The following JMJD7 variants were observed in gnomAD, a reference collection of about 807,000 sequenced individuals.
JMJD7 encodes jumonji domain containing 7.
In JMJD7, 41 loss-of-function variants were observed where a neutral mutation model predicts 41.1. The observed-to-expected ratio is 1.00, with a 90% CI of 0.78 to 1.30. JMJD7 has a LOEUF of 1.30. Ranked by LOEUF, JMJD7 falls within the 50% of genes most tolerant of loss-of-function variation. JMJD7 has a pLI of 0.00. For missense variants in JMJD7, 480 were observed against 420.7 expected, an observed-to-expected ratio of 1.14 and a Z score of -1.23; for synonymous variants, 202 against 177.2, an observed-to-expected ratio of 1.14 and a Z score of -1.11.
In JMJD7 at chr15:41,835,600, A is replaced by G. The variant is rs1038495405; in HGVS notation, c.485A>G (p.Asp162Gly). The change falls in exon 4 of 8, where the codon GAT (aspartate) becomes GGT (glycine). Residue 162 changes from aspartate (D) to glycine (G), a missense_variant. Physicochemically the swap from Asp to Gly is moderately conservative, Grantham distance 94. Coordinates refer to ENST00000397299, the MANE Select transcript of JMJD7 (RefSeq NM_001114632.2). ...TTCTGCCCTGCAGGAAAGATGCCCGATGCTGTGAACTTCTGGCTGGGGGAG... is the reference window on the plus strand; with the variant it reads ...TTCTGCCCTGCAGGAAAGATGCCCGGTGCTGTGAACTTCTGGCTGGGGGAG... ...WASEALGKMPDAVNFWLGEAA... is the reference protein window; with the variant it reads ...WASEALGKMPGAVNFWLGEAA... 1 of 1,613,818 alleles carries G rather than the reference A, an allele frequency of 6.2e-7. No individual in the cohort carries two copies. The highest frequency in any genetic ancestry group is 1.3e-5 in the African/African-American group (1 of 75,020).
intron 1 of JMJD7, among the ~76,000 whole-genome samples, chr15:41,830,795 A>G (rs1431537209): frequency 1.3e-5 from 2 of 152,194 alleles, no homozygotes; most frequent in African/African-American, 2.4e-5. Flanking sequence ...CCTGGGTGCT[A>G]TTGCAGTGCT....
In JMJD7 at chr15:41,836,131, C is replaced by A. The variant is rs1376711948; in HGVS notation, c.530-17C>A. On this transcript the variant is annotated splice_polypyrimidine_tract_variant and intron_variant, in intron 4 of 7. Transcript: ENST00000397299. ...TGCCCTCCATACCCTGCCCCCGGGC[C>A]TTCTTTCTGTTGGCAGTGCACAAGG... 1.9e-6 allele frequency: 3 copies of A among 1,576,632 alleles called. No homozygotes were observed. Among genetic ancestry groups the A allele is most frequent in the Middle Eastern group, 3.4e-4 (2 of 5,854 alleles).
rs1239528383 is a variant in JMJD7, at chr15:41,833,414, A to ATATATTTT, written c.65-1325_65-1324insATATTTTT. Among the ~76,000 whole-genome samples the ATATATTTT allele has an allele frequency of 1.8e-3, 58 of 32,018 alleles. 2 individuals are homozygous for ATATATTTT. Among genetic ancestry groups the ATATATTTT allele is most frequent in the Non-Finnish European group, 2.4e-3 (39 of 16,344 alleles). 21.0% of individuals were successfully genotyped at this position (32,018 alleles called of 152,430 possible). A position where few individuals can be genotyped will look rare whatever the true frequency, so the allele number is the denominator to read the frequency against. ...AATACATATATATATATATATATAT[A>ATATATTTT]TTTTTTTTTTTTTTTTTTTTTTTTG... On this transcript the variant is annotated intron_variant, in intron 1 of 7. Transcript: ENST00000397299.
intron 1 of JMJD7, 60 bp downstream of exon 1, chr15:41,828,248 C>T: frequency 2.1e-6 from 3 of 1,459,436 alleles, no homozygotes; most frequent in Non-Finnish European, 2.7e-6. Context: ...CCTGGGATGC[C>T]GCTGACACCG....
At chr15:41,834,922 G>A in intron 2 of JMJD7, 29 bp downstream of exon 2, 1 of 1,613,558 alleles carries the variant, frequency 6.2e-7, no homozygotes, top group Non-Finnish European at 8.5e-7. Context: ...TCAGGTGTGA[G>A]CAGTGATTAC....
rs890505 is a variant in JMJD7, at chr15:41,836,960, G to A, written c.862+20G>A. On this transcript the variant is annotated intron_variant, in intron 7 of 7. Transcript: ENST00000397299. ...TCGCAGGTGAAGAGTTGCCCAGGCC[G>A]CCTGGGGAGAGGCCCTGTCAAGGTC... is the stretch of plus-strand genomic sequence containing the variant. 0.33 allele frequency: 527,633 copies of A among 1,610,218 alleles called. 89,876 individuals are homozygous for A. The highest frequency in any genetic ancestry group is 0.39 in the Admixed American group (23,142 of 59,882).
At chr15:41,836,342 T>C (rs761093830) in intron 5 of JMJD7, 99 bp downstream of exon 5, 2 of 1,567,770 alleles carry the variant, frequency 1.3e-6, no homozygotes, top group African/African-American at 1.4e-5. Context: ...GCCTGAGGTG[T>C]GGCTGTGGCA....
chr15:41,828,338 C>T (rs2065171332), intron 1 of JMJD7, 150 bp downstream of exon 1: 2 of 959,770 alleles, frequency 2.1e-6, no homozygotes, highest in Admixed American at 8.5e-5. Flanking sequence ...TTCCCTTCTC[C>T]CGTGTTCGCG....
At position 41,828,208 on chromosome 15, in the gene JMJD7, G is replaced by T. The variant is rs2065166297; in HGVS notation, c.64+20G>T. 1 of 1,500,458 alleles carries T rather than the reference G, an allele frequency of 6.7e-7. No homozygotes were observed. The highest frequency in any genetic ancestry group is 8.8e-7 in the Non-Finnish European group (1 of 1,136,958). The allele number at this position is 1,500,458 out of a possible 1,614,324, so 92.9% of individuals were successfully genotyped here. ...CAAGGGGTGAGTGGCTCTCCCACAG[G>T]CTGCGGCGATTTCCGAACACGGGAG... On this transcript the variant is annotated intron_variant, in intron 1 of 7. Transcript: ENST00000397299.
Position 41,836,237 on chromosome 15 carries a change from C to T in JMJD7, c.619C>T (p.Pro207Ser), listed in dbSNP as rs2065313203. 3 of 1,612,598 alleles carry T rather than the reference C, an allele frequency of 1.9e-6. No individual in the cohort carries two copies. In the African/African-American group the frequency reaches 4.0e-5, roughly 22 times the overall value. The change falls in exon 5 of 8, where the codon CCC (proline) becomes TCC (serine). Residue 207 changes from proline (P) to serine (S), a missense_variant. By Grantham distance (74) the Pro-to-Ser change is moderately conservative (BLOSUM62 -1). Coordinates refer to ENST00000397299, the MANE Select transcript of JMJD7 (RefSeq NM_001114632.2). ...TCCGCCCAGCGACCGGCCCTTCATC[C>T]CCTATGGTAGGGGATGTGGCCTGCA... ...FHPPSDRPFI[P>S]YELYTPATYQ... is the part of the protein sequence containing the mutation.
chr15:41,830,017 A>G (rs1488364720), intron 1 of JMJD7, among the ~76,000 whole-genome samples: 1 of 152,180 alleles, frequency 6.6e-6, no homozygotes, highest in African/African-American at 2.4e-5. Context: ...TGCTGGCTGC[A>G]GTGGGGAGGC....
rs766163482 is a variant in JMJD7 at position 41,837,132 on chromosome 15, C to T, written c.927C>T (p.Leu309=). The T allele has an allele frequency of 1.2e-6, 2 of 1,612,828 alleles. No individual in the cohort carries two copies. The highest frequency in any genetic ancestry group is 1.7e-6 in the Non-Finnish European group (2 of 1,179,274). Residue 309 remains leucine, a synonymous_variant, in exon 8 of 8, where the codon CTC becomes CTT. Transcript: ENST00000397299. ...GTTACTTCCAGCTGCTCGACTCCCT[C>T]ACCAAGGCTTCAGGCCTTGACTGAT... ...KYSYFQLLDS[L]TKASGLD
intron 4 of JMJD7, 166 bp from the exon 5 acceptor site, chr15:41,835,982 C>G: frequency 1.5e-6 from 1 of 682,132 alleles, no homozygotes. Flanking sequence ...AGGCAGAGTT[C>G]CAGAATGCCC....
chr15:41,829,747 G>A (rs1374503948), intron 1 of JMJD7, among the ~76,000 whole-genome samples: 6 of 152,114 alleles, frequency 3.9e-5, no homozygotes, highest in African/African-American at 1.4e-4. Flanking sequence ...AAGTCCAAAG[G>A]GTGAAAAAAT....
chr15:41,829,894 C>A (rs1169289640), intron 1 of JMJD7, among the ~76,000 whole-genome samples: 1 of 152,216 alleles, frequency 6.6e-6, no homozygotes, highest in Admixed American at 6.5e-5. Context: ...CATAGTGAGA[C>A]ACCATCGTGT....
rs766487829 is a variant in JMJD7 at position 41,834,720 on chromosome 15, T to C, written c.65-20T>C. On this transcript the variant is annotated intron_variant, in intron 1 of 7. Transcript: ENST00000397299. ...TGCAGACATCAGCCCTTCCATCCCC[T>C]GTCTTCTTCTTTCTCTCAGAGCTCT... 2 of 1,611,818 alleles carry C rather than the reference T, an allele frequency of 1.2e-6. No individual in the cohort carries two copies. Among genetic ancestry groups the C allele is most frequent in the East Asian group, 2.2e-5 (1 of 44,842 alleles).
chr15:41,834,804 G>T lies in JMJD7; in HGVS notation c.129G>T (p.Arg43=), dbSNP rs1345624183. Reference sequence around the variant, plus strand: ...CCCCAACTCCGCTCCACTTCTACCGGGACTGGGTCTGCCCCAACAGGCCGT... The same window carrying T: ...CCCCAACTCCGCTCCACTTCTACCGTGACTGGGTCTGCCCCAACAGGCCGT... ...DKPPTPLHFY[R]DWVCPNRPCI... Residue 43 remains arginine, a synonymous_variant, in exon 2 of 8, where the codon CGG becomes CGT. Transcript: ENST00000397299. 1 of 1,614,188 alleles carries T rather than the reference G, an allele frequency of 6.2e-7. No individual in the cohort carries two copies. The highest frequency in any genetic ancestry group is 1.7e-5 in the Admixed American group (1 of 60,024).
chr15:41,830,329 C>T (rs1418787442), intron 1 of JMJD7, among the ~76,000 whole-genome samples: 4 of 152,348 alleles, frequency 2.6e-5, no homozygotes, highest in South Asian at 2.1e-4. Context: ...TCACTGTTTC[C>T]GGAACACAGG....
rs141079517 is a variant in JMJD7 at position 41,834,608 on chromosome 15, C to T, written c.65-132C>T. On this transcript the variant is annotated intron_variant, in intron 1 of 7. Transcript: ENST00000397299. ...CCTCATCTTTCTATTACTGGTTGTC[C>T]AGGGTCCTTTGGTCACCAACGAGCA... 5 of 1,339,332 alleles carry T rather than the reference C, an allele frequency of 3.7e-6. No homozygotes were observed. The African/African-American group carries it at 4.4e-5, about 12-fold the overall frequency. 83.0% of individuals were successfully genotyped at this position (1,339,332 alleles called of 1,614,324 possible). A position where few individuals can be genotyped will look rare whatever the true frequency, so the allele number is the denominator to read the frequency against.
Sources: gnomAD v4.1 joint callset for allele counts (sites outside exome capture counted in the v4.1 genomes callset) on GRCh38, gnomAD v4.1.1 for gene constraint, MANE v1.5 for transcripts, NCBI Gene and HGNC (gene_info 2026-07-23, HGNC 2026-07-21) for gene names.